RAD17: variants seen among roughly 807,000 people sequenced by gnomAD.
RAD17 encodes the protein RAD17 checkpoint clamp loader component.
In RAD17, 31 loss-of-function variants were observed where a neutral mutation model predicts 81.5. The ratio of observed to expected loss-of-function variants is 0.38; its 90% CI spans 0.29 to 0.51. RAD17 has a LOEUF of 0.51. Among genes scored for constraint, RAD17 ranks in the 20% least tolerant of loss-of-function variants. The pLI is 0.88. For missense variants in RAD17, 681 were observed against 781.2 expected (o/e 0.87, Z 1.53); for synonymous variants, 261 against 266.2 (o/e 0.98, Z 0.19).
At position 69,393,257 on chromosome 5, in the gene RAD17, CACTT is replaced by C; in HGVS notation, c.1275+19_1275+22del. On this transcript the variant is annotated intron_variant, in intron 14 of 18. Coordinates refer to ENST00000354868, the MANE Select transcript of RAD17 (RefSeq NM_133338.3). The stretch of plus-strand genomic sequence containing the variant: ...GAACCTGAGGTAAGTTCTTTGATGA[CACTT>C]AGTATAGGTTACAAAGGATATATTA... 2 of 1,583,724 alleles carry C rather than the reference CACTT, an allele frequency of 1.3e-6. No individual in the cohort carries two copies. Among genetic ancestry groups the C allele is most frequent in the South Asian group, 2.2e-5 (2 of 88,954 alleles).
chr5:69,391,505 T>C, intron 12 of RAD17, among the ~76,000 whole-genome samples: 1 of 152,228 alleles, frequency 6.6e-6, no homozygotes, highest in African/African-American at 2.4e-5. Context: ...TTGAGCATCA[T>C]GTTGGCACTG....
chr5:69,374,540 G>A (rs922390217), intron 5 of RAD17, 88 bp from the exon 6 acceptor site: 27 of 779,808 alleles, frequency 3.5e-5, no homozygotes, highest in African/African-American at 2.0e-4. Context: ...ACTTCTTTTC[G>A]TTAATAATGC....
At chr5:69,380,939 G>C (rs1431660325) in intron 6 of RAD17, among the ~76,000 whole-genome samples, 2 of 151,400 alleles carry the variant, frequency 1.3e-5, no homozygotes. Flanking sequence ...CTAATTTTTT[G>C]TATTTTTTTT....
At chr5:69,382,391 G>C (rs1393458559) in intron 7 of RAD17, among the ~76,000 whole-genome samples, 1 of 152,198 alleles carries the variant, frequency 6.6e-6, no homozygotes, top group African/African-American at 2.4e-5. Context: ...GTTGCAGTGA[G>C]CTATAGTGTT....
chr5:69,399,575 T>A (rs1167506386), intron 16 of RAD17, among the ~76,000 whole-genome samples: 1 of 152,224 alleles, frequency 6.6e-6, no homozygotes, highest in Admixed American at 6.5e-5. Context: ...ATTGACTTGC[T>A]TTGTCTTTTA....
chr5:69,394,695 A>G (rs1246529328), intron 15 of RAD17, among the ~76,000 whole-genome samples: 1 of 152,202 alleles, frequency 6.6e-6, no homozygotes, highest in Non-Finnish European at 1.5e-5. Flanking sequence ...CAGATACAAA[A>G]CATTTCCATC....
intron 6 of RAD17, 49 bp downstream of exon 6, chr5:69,374,760 A>G: frequency 7.1e-7 from 1 of 1,407,854 alleles, no homozygotes; most frequent in Non-Finnish European, 9.9e-7. Flanking sequence ...TATTTTTCTG[A>G]CTTACAGTGT....
At chr5:69,389,513 A>G (rs1053494530) in intron 12 of RAD17, among the ~76,000 whole-genome samples, 1 of 152,180 alleles carries the variant, frequency 6.6e-6, no homozygotes, top group Non-Finnish European at 1.5e-5. Context: ...TTAGGGTTCT[A>G]TGAAGAATAT....
chr5:69,369,675 T>C, upstream of RAD17: 1 of 1,556,084 alleles, frequency 6.4e-7, no homozygotes, highest in Non-Finnish European at 8.7e-7. Flanking sequence ...CGATGACACA[T>C]TTCCGTCGCA....
At chr5:69,403,134 C>G (rs1387447540) in intron 17 of RAD17, among the ~76,000 whole-genome samples, 1 of 152,176 alleles carries the variant, frequency 6.6e-6, no homozygotes, top group African/African-American at 2.4e-5. Context: ...CCACTGCACC[C>G]AGCCCTAATA....
intron 16 of RAD17, among the ~76,000 whole-genome samples, chr5:69,398,754 C>G (rs1168271579): frequency 6.7e-6 from 1 of 149,656 alleles, no homozygotes; most frequent in Non-Finnish European, 1.5e-5. Context: ...TGCAGTGAGC[C>G]GAGATCATGC....
rs368608482 is a variant in RAD17, at chr5:69,386,472, C to T, written c.894+7C>T. The stretch of plus-strand genomic sequence containing the variant: ...GACTATAGAAGCTAACAAGGTAAGT[C>T]TCTGATTAATTAAACCTTACTCGAT... On this transcript the variant is annotated splice_region_variant and intron_variant, in intron 11 of 18. Coordinates refer to ENST00000354868, the MANE Select transcript of RAD17 (RefSeq NM_133338.3). 2.2e-4 allele frequency: 348 copies of T among 1,575,482 alleles called. No homozygotes were observed. Among genetic ancestry groups the T allele is most frequent in the Non-Finnish European group, 2.9e-4 (340 of 1,165,814 alleles).
At chr5:69,377,479 ACACACAC>A (rs1561238934) in intron 6 of RAD17, among the ~76,000 whole-genome samples, 28 of 26,508 alleles carry the variant, frequency 1.1e-3, no homozygotes, top group African/African-American at 2.9e-3. Flanking sequence ...ATATATACAC[ACACACAC>A]ATATATATAC....
chr5:69,398,437 A>C (rs1765038046), intron 16 of RAD17, among the ~76,000 whole-genome samples: 1 of 152,220 alleles, frequency 6.6e-6, no homozygotes, highest in Non-Finnish European at 1.5e-5. Flanking sequence ...GAGGCACACA[A>C]GTTGAAAACA....
At chr5:69,369,629 G>C, upstream of RAD17, 2 of 1,568,568 alleles carry the variant, frequency 1.3e-6, no homozygotes, top group Non-Finnish European at 1.7e-6. Context: ...AGCCTGCCCC[G>C]GCGGCCCAGC....
chr5:69,369,302 G>A (rs985105423), upstream of RAD17: 17 of 283,420 alleles, frequency 6.0e-5, no homozygotes, highest in Non-Finnish European at 7.5e-5. Context: ...CTCCCGCAAC[G>A]CCCGCGAGGG....
chr5:69,386,852 T>C (rs1764244113), intron 11 of RAD17, among the ~76,000 whole-genome samples: 1 of 152,154 alleles, frequency 6.6e-6, no homozygotes. Context: ...TCATAAAATT[T>C]ATCATCTTAA....
rs1428985385 is a variant in RAD17 at position 69,374,532 on chromosome 5, T to C, written c.268-96T>C. The C allele has an allele frequency of 1.1e-5, 8 of 728,714 alleles. No individual in the cohort carries two copies. In the Admixed American group the frequency reaches 1.3e-4, roughly 12 times the overall value. The allele number at this position is 728,714 out of a possible 1,614,324, so 45.1% of individuals were successfully genotyped here. A position where few individuals can be genotyped will look rare whatever the true frequency, so the allele number is the denominator to read the frequency against. ...ATATAGATTGTTACTGATTTGCTAC[T>C]TCTTTTCGTTAATAATGCTTAGGTT... On this transcript the variant is annotated intron_variant, in intron 5 of 18. Transcript: ENST00000354868.
intron 6 of RAD17, among the ~76,000 whole-genome samples, chr5:69,376,916 G>C (rs548145952): frequency 6.9e-4 from 105 of 152,218 alleles, no homozygotes; most frequent in African/African-American, 2.4e-3. Context: ...ACCACACGCA[G>C]CTAATTTTTG....
Sources: gnomAD v4.1 joint callset for allele counts (sites outside exome capture counted in the v4.1 genomes callset) on GRCh38, gnomAD v4.1.1 for gene constraint, MANE v1.5 for transcripts, NCBI Gene and HGNC (gene_info 2026-07-23, HGNC 2026-07-21) for gene names.